The following CEP128 variants were observed in gnomAD, a reference collection of about 807,000 sequenced individuals.
The protein encoded by CEP128 is centrosomal protein 128.
Under a neutral mutation model 156.7 loss-of-function variants are expected in CEP128, and 132 were observed. The ratio of observed to expected loss-of-function variants is 0.84; its 90% CI spans 0.73 to 0.97. CEP128 has a LOEUF of 0.97. Among genes scored for constraint, CEP128 ranks in the 50% least tolerant of loss-of-function variants. CEP128 has a pLI of 0.00. For missense variants in CEP128, 1,252 were observed against 1,281.9 expected (o/e 0.98, Z 0.36); for synonymous variants, 469 against 448.9 (o/e 1.04, Z -0.57).
intron 19 of CEP128, among the ~76,000 whole-genome samples, chr14:80,717,126 G>A (rs934224561): frequency 1.3e-5 from 2 of 152,088 alleles, no homozygotes; most frequent in East Asian, 3.8e-4. Context: ...GCAAAGGCAA[G>A]GTTAATTTAG....
intron 8 of CEP128, among the ~76,000 whole-genome samples, chr14:80,893,021 A>G (rs1305402466): frequency 6.6e-6 from 1 of 152,022 alleles, no homozygotes; most frequent in Non-Finnish European, 1.5e-5. Context: ...AAGATTCTGC[A>G]TTCCTATGTT....
chr14:80,534,824 C>CAAAAAAA (rs371773612), intron 21 of CEP128, among the ~76,000 whole-genome samples: 1 of 60,134 alleles, frequency 1.7e-5, no homozygotes, highest in African/African-American at 6.8e-5. Flanking sequence ...GATTCCGTCT[C>CAAAAAAA]AAAAAAAAAA....
chr14:80,678,880 T>C (rs1896198517), intron 19 of CEP128, among the ~76,000 whole-genome samples: 2 of 152,204 alleles, frequency 1.3e-5, no homozygotes, highest in South Asian at 2.1e-4. Flanking sequence ...GCTGGAACCG[T>C]GGCAGAGGAA....
chr14:80,714,948 A>G (rs1286077930), intron 19 of CEP128, among the ~76,000 whole-genome samples: 1 of 152,196 alleles, frequency 6.6e-6, no homozygotes, highest in Non-Finnish European at 1.5e-5. Context: ...AAAAGTAATT[A>G]TAGGCCAGGC....
In CEP128 at chr14:80,526,986, GAAA is replaced by G; in HGVS notation, c.2959-7_2959-5del. 4 of 1,014,142 alleles carry G rather than the reference GAAA, an allele frequency of 3.9e-6. No homozygotes were observed. The highest frequency in any genetic ancestry group is 5.8e-6 in the Non-Finnish European group (4 of 694,806). The allele number at this position is 1,014,142 out of a possible 1,614,324, so 62.8% of individuals were successfully genotyped here. ...TCTCAGATGAACTGCAGGAATCCTG[GAAA>G]AAAAAAAAAGCAAAGGGTCTGAACT... is the stretch of plus-strand genomic sequence containing the variant. On this transcript the variant is annotated splice_region_variant and splice_polypyrimidine_tract_variant and intron_variant, in intron 22 of 24. Coordinates refer to ENST00000555265, the MANE Select transcript of CEP128 (RefSeq NM_152446.5).
At chr14:80,911,113 A>C (rs1347218508) in intron 4 of CEP128, among the ~76,000 whole-genome samples, 2 of 152,382 alleles carry the variant, frequency 1.3e-5, no homozygotes, top group Non-Finnish European at 2.9e-5. Context: ...TATAAAACGC[A>C]AAAGGATTGA....
chr14:80,956,459 A>G (rs1256060816), intron 2 of CEP128, among the ~76,000 whole-genome samples: 1 of 152,260 alleles, frequency 6.6e-6, no homozygotes, highest in Non-Finnish European at 1.5e-5. Context: ...ATGAAATTTC[A>G]TAAAAGTATA....
chr14:80,741,353 C>CAGCTCTTT (rs1261161844), intron 19 of CEP128, among the ~76,000 whole-genome samples: 1 of 152,138 alleles, frequency 6.6e-6, no homozygotes, highest in East Asian at 1.9e-4. Context: ...CTGAAGTTTG[C>CAGCTCTTT]AGCTCTTTAC....
intron 23 of CEP128, among the ~76,000 whole-genome samples, chr14:80,526,435 T>C (rs543398430): frequency 6.6e-6 from 1 of 152,256 alleles, no homozygotes; most frequent in South Asian, 2.1e-4. Context: ...AGTATTAATA[T>C]GGAGTTCATA....
chr14:80,915,796 C>A (rs1200177901), intron 3 of CEP128, among the ~76,000 whole-genome samples: 2 of 152,144 alleles, frequency 1.3e-5, no homozygotes, highest in Non-Finnish European at 2.9e-5. Flanking sequence ...ACTGCTTTAC[C>A]CTAAAACACT....
At chr14:80,839,713 A>G (rs552389216) in intron 10 of CEP128, among the ~76,000 whole-genome samples, 2 of 152,312 alleles carry the variant, frequency 1.3e-5, no homozygotes, top group African/African-American at 4.8e-5. Context: ...AATTATTTCA[A>G]AATATATCTT....
rs534615701 is a variant in CEP128 at position 80,832,108 on chromosome 14, T to C, written c.1058-814A>G. On this transcript the variant is annotated intron_variant, in intron 12 of 24. Transcript: ENST00000555265. Reference sequence around the variant, plus strand: ...GGAGAGTTCCCCTACACAAGCTCTATTCCCTGCCACCACGTAAGACATGCC... The same window carrying C: ...GGAGAGTTCCCCTACACAAGCTCTACTCCCTGCCACCACGTAAGACATGCC... Among the ~76,000 whole-genome samples the C allele has an allele frequency of 3.3e-5, 5 of 152,328 alleles. No individual in the cohort carries two copies. In the East Asian group the frequency reaches 9.6e-4, roughly 29 times the overall value.
intron 21 of CEP128, among the ~76,000 whole-genome samples, chr14:80,551,962 A>C (rs1027572145): frequency 4.6e-5 from 7 of 152,188 alleles, no homozygotes; most frequent in African/African-American, 1.7e-4. Flanking sequence ...GGCACCTTAA[A>C]GTGCCTGGGA....
intron 14 of CEP128, among the ~76,000 whole-genome samples, chr14:80,788,469 G>A (rs1379863057): frequency 1.3e-5 from 2 of 151,780 alleles, no homozygotes; most frequent in African/African-American, 4.8e-5. Context: ...AAACAGAAAC[G>A]AACAAAACTC....
chr14:80,504,939 A>T lies in CEP128; in HGVS notation c.3154T>A (p.Ser1052Thr). The change falls in exon 24 of 25, where the codon TCT (serine) becomes ACT (threonine). Residue 1052 changes from serine to threonine, a missense_variant. By Grantham distance (58) the Ser-to-Thr change is moderately conservative (BLOSUM62 1). Transcript: ENST00000555265. ...TTCACGTATGAAAATCTTGGACTAG[A>T]CAGGAAGCGACTGTGATCCTGCCAA... ...SSWQDHSRFLSSPRFSYVNSF... is the reference protein window; with the variant it reads ...SSWQDHSRFLTSPRFSYVNSF... 6.2e-7 allele frequency: 1 copy of T among 1,602,278 alleles called. No homozygotes were observed.
chr14:80,582,973 A>G (rs1193967065), intron 19 of CEP128, among the ~76,000 whole-genome samples: 5 of 152,198 alleles, frequency 3.3e-5, no homozygotes, highest in African/African-American at 1.2e-4. Context: ...GAGTCAACTT[A>G]GTATGGCAAG....
At chr14:80,864,865 C>T (rs1387073766) in intron 8 of CEP128, among the ~76,000 whole-genome samples, 1 of 152,128 alleles carries the variant, frequency 6.6e-6, no homozygotes, top group Non-Finnish European at 1.5e-5. Flanking sequence ...CCTTTGATTT[C>T]TTCTAAGTAA....
intron 4 of CEP128, among the ~76,000 whole-genome samples, chr14:80,910,883 T>C (rs947082356): frequency 1.3e-5 from 2 of 152,206 alleles, no homozygotes; most frequent in Admixed American, 6.5e-5. Context: ...AAAAAGTCAT[T>C]GGTCACCACA....
At chr14:80,610,656 T>G (rs1370386757) in intron 19 of CEP128, among the ~76,000 whole-genome samples, 1 of 152,120 alleles carries the variant, frequency 6.6e-6, no homozygotes, top group Non-Finnish European at 1.5e-5. Context: ...TAACAATCCG[T>G]GTACTCTTTG....
Sources: allele counts gnomAD v4.1 joint callset (sites outside exome capture counted in the v4.1 genomes callset), GRCh38; gene constraint gnomAD v4.1.1; transcripts MANE v1.5; gene names NCBI Gene and HGNC (gene_info 2026-07-23, HGNC 2026-07-21).